Variants in CEP128 observed in about 807,000 individuals in gnomAD.
CEP128 encodes centrosomal protein 128kDa.
A neutral mutation model predicts 156.7 loss-of-function variants in CEP128; 132 were observed. The ratio of observed to expected loss-of-function variants is 0.84; its 90% CI spans 0.73 to 0.97. The LOEUF (loss-of-function observed/expected upper bound fraction) is 0.97. Ranked by LOEUF, CEP128 falls within the 50% of genes least tolerant of loss-of-function variation. CEP128 has a pLI of 0.00. For missense variants in CEP128, 1,252 were observed against 1,281.9 expected, an observed-to-expected ratio of 0.98 and a Z score of 0.36; for synonymous variants, 469 against 448.9, an observed-to-expected ratio of 1.04 and a Z score of -0.57.
chr14:80,837,672 C>T (rs1345882811), intron 11 of CEP128, among the ~76,000 whole-genome samples: 15 of 152,130 alleles, frequency 9.9e-5, no homozygotes, highest in Admixed American at 8.5e-4. Context: ...GCCAAGATTG[C>T]GCCACTGCAC....
intron 19 of CEP128, among the ~76,000 whole-genome samples, chr14:80,635,282 A>T (rs1308673566): frequency 6.6e-6 from 1 of 152,142 alleles, no homozygotes; most frequent in Non-Finnish European, 1.5e-5. Context: ...TTTCTCTTTG[A>T]TTTTGAATGA....
Position 80,914,387 on chromosome 14 carries a change from G to A in CEP128, c.169C>T (p.Gln57Ter), listed in dbSNP as rs545617980. 1.9e-5 allele frequency: 31 copies of A among 1,613,698 alleles called. No individual in the cohort carries two copies. In the South Asian group the frequency reaches 2.2e-4, roughly 11 times the overall value. Residue 57 changes from glutamine to a stop codon, truncating the protein, a stop_gained, in exon 4 of 25, where the codon CAA becomes TAA. Coordinates refer to ENST00000555265, the MANE Select transcript of CEP128 (RefSeq NM_152446.5). LOFTEE classifies it high-confidence loss of function. ...TLQDTSRNLR[Q>*]VDQMLGRYRE... ...TATCGTCCAAGCATCTGGTCCACTT[G>A]TCGCAGGTTCCGACTGGTATCCTTG...
At chr14:80,713,221 TA>T (rs1224717075) in intron 19 of CEP128, among the ~76,000 whole-genome samples, 2 of 152,166 alleles carry the variant, frequency 1.3e-5, no homozygotes, top group Admixed American at 6.5e-5. Flanking sequence ...ATCTGGTAGT[TA>T]ATATAAAAGA....
In CEP128 at chr14:80,706,423, G is replaced by A. The variant is rs553472377; in HGVS notation, c.2806+36652C>T. On this transcript the variant is annotated intron_variant, in intron 19 of 24. Coordinates refer to ENST00000555265, the MANE Select transcript of CEP128 (RefSeq NM_152446.5). ...GTATTCCTCAGTTTTACTTGTACTCGTGTGTGTGTGTGTGTATGTGTGTGT... is the reference window on the plus strand; with the variant it reads ...GTATTCCTCAGTTTTACTTGTACTCATGTGTGTGTGTGTGTATGTGTGTGT... Among the ~76,000 whole-genome samples the A allele has an allele frequency of 2.3e-4, 34 of 149,804 alleles. 1 individual carries two copies. The South Asian group carries it at 4.4e-3, about 20-fold the overall frequency.
intron 13 of CEP128, among the ~76,000 whole-genome samples, chr14:80,797,040 A>G (rs1883530392): frequency 6.6e-6 from 1 of 152,226 alleles, no homozygotes; most frequent in South Asian, 2.1e-4. Context: ...TAGATGTCTA[A>G]AAGATAACAA....
Position 80,719,436 on chromosome 14 carries a change from A to G in CEP128, c.2806+23639T>C, listed in dbSNP as rs181702970. On this transcript the variant is annotated intron_variant, in intron 19 of 24. Coordinates refer to ENST00000555265, the MANE Select transcript of CEP128 (RefSeq NM_152446.5). ...TAAGAACTCTTTGGGCTAAGCCCCA[A>G]TTTTAGGGCTCACCTTTCCTGTATC... Among the ~76,000 whole-genome samples the G allele has an allele frequency of 3.3e-5, 5 of 152,276 alleles. No individual in the cohort carries two copies. In the East Asian group the frequency reaches 5.8e-4, roughly 18 times the overall value.
At chr14:80,517,877 C>G (rs1278413221) in intron 23 of CEP128, among the ~76,000 whole-genome samples, 3 of 152,074 alleles carry the variant, frequency 2.0e-5, no homozygotes, top group African/African-American at 7.2e-5. Flanking sequence ...AGCCTTTATC[C>G]TGACTGGGAG....
At chr14:80,511,039 A>T (rs1472443865) in intron 23 of CEP128, among the ~76,000 whole-genome samples, 2 of 134,466 alleles carry the variant, frequency 1.5e-5, no homozygotes, top group African/African-American at 2.6e-5. Context: ...TTCATCAGAG[A>T]TATTGGCCTG....
chr14:80,622,054 T>C (rs1893502017), intron 19 of CEP128, among the ~76,000 whole-genome samples: 1 of 152,118 alleles, frequency 6.6e-6, no homozygotes, highest in Non-Finnish European at 1.5e-5. Context: ...AGAAATGGAA[T>C]TGCCTCCTTA....
intron 19 of CEP128, among the ~76,000 whole-genome samples, chr14:80,634,590 T>C (rs1894103623): frequency 6.6e-6 from 1 of 152,220 alleles, no homozygotes; most frequent in African/African-American, 2.4e-5. Flanking sequence ...TAAGAAAATG[T>C]AACTAACATG....
intron 2 of CEP128, among the ~76,000 whole-genome samples, chr14:80,919,043 TTGAAGTTAAGAAATCAC>T (rs1884710285): frequency 2.6e-5 from 4 of 152,164 alleles, no homozygotes; most frequent in African/African-American, 9.7e-5. Flanking sequence ...GGAAACTTGA[TTGAAGTTAAGAAATCAC>T]TGAAGTTAAG....
At chr14:80,610,350 T>C (rs1038353824) in intron 19 of CEP128, among the ~76,000 whole-genome samples, 4 of 152,188 alleles carry the variant, frequency 2.6e-5, no homozygotes, top group Non-Finnish European at 5.9e-5. Flanking sequence ...CATTGTTTTA[T>C]GTTTTGATAA....
At chr14:80,768,593 T>C (rs948929613) in intron 16 of CEP128, among the ~76,000 whole-genome samples, 2 of 152,186 alleles carry the variant, frequency 1.3e-5, no homozygotes, top group East Asian at 1.9e-4. Flanking sequence ...GTTAAGAGTA[T>C]GCAAGAGCCT....
At chr14:80,651,061 G>T (rs1287640351) in intron 19 of CEP128, among the ~76,000 whole-genome samples, 3 of 152,038 alleles carry the variant, frequency 2.0e-5, no homozygotes, top group Non-Finnish European at 4.4e-5. Context: ...ACTTTTTTTG[G>T]TTGGTAGGCT....
At chr14:80,740,358 G>A (rs1209036240) in intron 19 of CEP128, among the ~76,000 whole-genome samples, 3 of 151,694 alleles carry the variant, frequency 2.0e-5, no homozygotes, top group African/African-American at 7.3e-5. Context: ...AATTCATTAA[G>A]GCAAGAAATA....
Position 80,759,910 on chromosome 14 carries a change from GTGT to G in CEP128, c.2553+1524_2553+1526del, listed in dbSNP as rs1899873654. ...CATATGTGAGTGCATATATATAGGT[GTGT>G]GTGTGTGTGTGTGTGTGTGTATACA... On this transcript the variant is annotated intron_variant, in intron 17 of 24. Transcript: ENST00000555265. Among the ~76,000 whole-genome samples the G allele has an allele frequency of 0.03, 252 of 8,502 alleles. 8 individuals carry two copies. The East Asian group carries it at 0.5, about 17-fold the overall frequency. 5.6% of individuals were successfully genotyped at this position (8,502 alleles called of 152,430 possible).
chr14:80,717,029 A>C (rs1292203353), intron 19 of CEP128, among the ~76,000 whole-genome samples: 1 of 152,198 alleles, frequency 6.6e-6, no homozygotes, highest in Non-Finnish European at 1.5e-5. Flanking sequence ...ACTATGGAGA[A>C]CTGTCTATTC....
At chr14:80,494,996 G>C (rs1023797000), downstream of CEP128, among the ~76,000 whole-genome samples, 1 of 152,170 alleles carries the variant, frequency 6.6e-6, no homozygotes, top group African/African-American at 2.4e-5. Context: ...TTCTCCCCCT[G>C]TAGCCTTCAG....
chr14:80,657,181 G>T (rs1193554484), intron 19 of CEP128, among the ~76,000 whole-genome samples: 1 of 151,770 alleles, frequency 6.6e-6, no homozygotes, highest in Non-Finnish European at 1.5e-5. Context: ...TGCTTGAACT[G>T]GGGAGGCAAA....
Sources: gnomAD v4.1 joint callset for allele counts (sites outside exome capture counted in the v4.1 genomes callset) on GRCh38, gnomAD v4.1.1 for gene constraint, MANE v1.5 for transcripts, NCBI Gene and HGNC (gene_info 2026-07-23, HGNC 2026-07-21) for gene names.